The following P4HA1 variants were observed in gnomAD, a reference collection of about 807,000 sequenced individuals.
P4HA1 encodes the protein prolyl 4-hydroxylase subunit alpha-1.
P4HA1 carries 24 observed loss-of-function variants against 72.8 expected under a neutral mutation model. The observed-to-expected ratio is 0.33, with a 90% CI of 0.24 to 0.46. P4HA1 has a LOEUF of 0.46. Among genes scored for constraint, P4HA1 ranks in the 20% least tolerant of loss-of-function variants. The probability of loss-of-function intolerance (pLI) is 1.00; values close to 1 mark genes in which losing one functional copy is unlikely to be tolerated. For missense variants in P4HA1, 446 were observed against 640.6 expected, an observed-to-expected ratio of 0.70 and a Z score of 3.28; for synonymous variants, 201 against 218.8, an observed-to-expected ratio of 0.92 and a Z score of 0.72.
intron 10 of P4HA1, among the ~76,000 whole-genome samples, chr10:73,029,124 A>G (rs905606084): frequency 1.3e-5 from 2 of 151,624 alleles, no homozygotes; most frequent in Admixed American, 1.3e-4. Flanking sequence ...GAATTTTGCA[A>G]CCAGGCCAGG....
intron 1 of P4HA1, among the ~76,000 whole-genome samples, chr10:73,079,421 T>C (rs1841775024): frequency 6.6e-6 from 1 of 152,124 alleles, no homozygotes; most frequent in African/African-American, 2.4e-5. Context: ...CACTCTAGCC[T>C]GGGTGACAGA....
At chr10:73,087,846 T>C (rs1564638995) in intron 1 of P4HA1, among the ~76,000 whole-genome samples, 1 of 152,144 alleles carries the variant, frequency 6.6e-6, no homozygotes, top group African/African-American at 2.4e-5. Flanking sequence ...GAATATTTTC[T>C]CCCAGTCTGT....
At chr10:73,034,580 G>C (rs1840520650) in intron 9 of P4HA1, among the ~76,000 whole-genome samples, 1 of 148,868 alleles carries the variant, frequency 6.7e-6, no homozygotes. Flanking sequence ...TAACATGTGT[G>C]TGTGGTTTTT....
chr10:73,090,758 A>G (rs1262037585), intron 1 of P4HA1, among the ~76,000 whole-genome samples: 2 of 152,022 alleles, frequency 1.3e-5, no homozygotes, highest in African/African-American at 4.8e-5. Context: ...AATATCTTTG[A>G]GGTTAAAGGA....
At chr10:73,094,437 T>C (rs1214999441) in intron 1 of P4HA1, among the ~76,000 whole-genome samples, 2 of 151,948 alleles carry the variant, frequency 1.3e-5, no homozygotes, top group Non-Finnish European at 2.9e-5. Flanking sequence ...CCATGTAGGG[T>C]GTATTTGCAT....
intron 1 of P4HA1, among the ~76,000 whole-genome samples, chr10:73,076,507 A>G (rs575719911): frequency 6.6e-6 from 1 of 152,224 alleles, no homozygotes; most frequent in East Asian, 1.9e-4. Flanking sequence ...TTAGCCTAAG[A>G]CATGTCTATG....
intron 4 of P4HA1, among the ~76,000 whole-genome samples, chr10:73,070,142 CTTTTTTTTTTTTTTTTTTTT>C (rs71021546): frequency 3.1e-5 from 2 of 64,472 alleles, no homozygotes; most frequent in African/African-American, 6.3e-5. Flanking sequence ...GAGACCAGGC[CTTTTTTTTTTTTTTTTTTTT>C]TTTTTTTTTT....
rs1840579047 is a variant in P4HA1, at chr10:73,036,449, T to C, written c.1149-6079A>G. ...TCTGGTTCTGTCACCCAGGCTAGAG[T>C]GCAATGACGCTATCTCGACTCACTG... On this transcript the variant is annotated intron_variant, in intron 9 of 14. Transcript: ENST00000394890. 4.6e-5 allele frequency among the ~76,000 whole-genome samples: 7 copies of C among 152,036 alleles called. No individual in the cohort carries two copies. In the South Asian group the frequency reaches 1.5e-3, roughly 32 times the overall value.
intron 5 of P4HA1, among the ~76,000 whole-genome samples, chr10:73,055,938 G>T (rs1020336743): frequency 6.6e-6 from 1 of 152,162 alleles, no homozygotes; most frequent in Non-Finnish European, 1.5e-5. Flanking sequence ...GTAAGAAATG[G>T]AATCTGTTCC....
At chr10:73,033,595 T>C (rs932400249) in intron 9 of P4HA1, among the ~76,000 whole-genome samples, 2 of 152,218 alleles carry the variant, frequency 1.3e-5, no homozygotes, top group African/African-American at 4.8e-5. Context: ...CACTCCAGTC[T>C]TTCACTTTAC....
chr10:73,067,520 A>C lies in P4HA1; in HGVS notation c.463+1326T>G, dbSNP rs191607882. ...TCTAGTCTCAGCTCTCACTACTCTC[A>C]CAAAGCCAAACCCCCATATCCACCT... On this transcript the variant is annotated intron_variant, in intron 5 of 14. Coordinates refer to ENST00000394890, the MANE Select transcript of P4HA1 (RefSeq NM_001017962.3). Among the ~76,000 whole-genome samples the C allele has an allele frequency of 2.7e-3, 405 of 152,248 alleles. 3 individuals are homozygous for C. The highest frequency in any genetic ancestry group is 4.0e-3 in the Admixed American group (61 of 15,288).
intron 5 of P4HA1, among the ~76,000 whole-genome samples, chr10:73,056,748 A>G (rs1375141130): frequency 1.3e-5 from 2 of 152,152 alleles, no homozygotes; most frequent in Admixed American, 1.3e-4. Flanking sequence ...CGACAGTTCA[A>G]AACTCATTAG....
rs1262343335 is a variant in P4HA1, at chr10:73,072,072, C to T, written c.282G>A (p.Glu94=). 2 of 1,613,024 alleles carry T rather than the reference C, an allele frequency of 1.2e-6. No homozygotes were observed. The highest frequency in any genetic ancestry group is 1.3e-5 in the African/African-American group (1 of 74,904). The change falls in exon 4 of 15, where the codon GAG becomes GAA. Residue 94 remains glutamate, a synonymous_variant. Transcript: ENST00000394890. ...AFKLMKRLNT[E]WSELENLVLK... ...GGACCAGATTCTCCAACTCACTCCA[C>T]TCAGTATTCAGACGTTTCATTAATT...
chr10:73,047,538 A>C (rs1242195995), intron 7 of P4HA1, among the ~76,000 whole-genome samples: 1 of 147,000 alleles, frequency 6.8e-6, no homozygotes, highest in Non-Finnish European at 1.5e-5. Flanking sequence ...CTCACAGTTA[A>C]ATGCTTGTGG....
chr10:73,038,650 G>A (rs1374905233), intron 9 of P4HA1, among the ~76,000 whole-genome samples: 2 of 91,108 alleles, frequency 2.2e-5, no homozygotes, highest in Non-Finnish European at 1.8e-5. Flanking sequence ...TTTTTGAGAC[G>A]GAGTCTCGCT....
chr10:73,011,179 G>GT, intron 12 of P4HA1, 142 bp from the exon 13 acceptor site: 1 of 515,592 alleles, frequency 1.9e-6, no homozygotes, highest in Non-Finnish European at 3.4e-6. Context: ...ATGCTACTCA[G>GT]TTTTTCAAAA....
chr10:73,078,600 A>ATTTTTTTTT (rs770821126), intron 1 of P4HA1, among the ~76,000 whole-genome samples: 2 of 99,630 alleles, frequency 2.0e-5, no homozygotes, highest in African/African-American at 4.7e-5. Flanking sequence ...GCAGTAGGTA[A>ATTTTTTTTT]TTTTTTTTTT....
At chr10:73,043,911 G>T in intron 9 of P4HA1, 7 of 1,612,342 alleles carry the variant, frequency 4.3e-6, no homozygotes, top group Non-Finnish European at 5.9e-6. Flanking sequence ...GTACTGTGCT[G>T]TGGTCAATTT....
intron 1 of P4HA1, among the ~76,000 whole-genome samples, chr10:73,085,444 C>T (rs1167694578): frequency 6.6e-6 from 1 of 151,518 alleles, no homozygotes; most frequent in Non-Finnish European, 1.5e-5. Context: ...AGTGCAATGG[C>T]ACAATCTCAG....
Sources: allele counts gnomAD v4.1 joint callset (sites outside exome capture counted in the v4.1 genomes callset), GRCh38; gene constraint gnomAD v4.1.1; transcripts MANE v1.5; gene names NCBI Gene and HGNC (gene_info 2026-07-23, HGNC 2026-07-21).